KIAA1671: variants seen among roughly 807,000 people sequenced by gnomAD.
KIAA1671 encodes the protein uncharacterized protein KIAA1671.
Under a neutral mutation model 131.2 loss-of-function variants are expected in KIAA1671, and 52 were observed. The observed-to-expected ratio is 0.40, with a 90% CI of 0.32 to 0.50. The LOEUF (loss-of-function observed/expected upper bound fraction) is 0.50, where lower values mean the gene tolerates loss of function less well. Ranked by LOEUF, KIAA1671 falls within the 20% of genes least tolerant of loss-of-function variation. The pLI, the probability that KIAA1671 is intolerant of heterozygous loss-of-function variation, is 0.73. For synonymous variants in KIAA1671, 1,003 were observed against 961.6 expected (o/e 1.04, Z -0.80); for missense variants, 2,360 against 2,364.2 (o/e 1.00, Z 0.04).
Position 25,028,853 on chromosome 22 carries a change from T to C in KIAA1671, c.854T>C (p.Met285Thr), listed in dbSNP as rs1926111205. The part of the protein sequence containing the change: ...TWVRKPRPLS[M>T]DLTARFENKE... ...GTGAGGAAGCCCAGGCCCTTGTCCA[T>C]GGACCTCACGGCCCGGTTTGAGAAC... is the stretch of plus-strand genomic sequence containing the variant. The change falls in exon 3 of 13, where the codon ATG becomes ACG. Residue 285 changes from methionine to threonine, a missense_variant. By Grantham distance (81) the Met-to-Thr change is moderately conservative. Coordinates refer to ENST00000358431, the MANE Select transcript of KIAA1671 (RefSeq NM_001145206.2). 9 of 1,550,860 alleles carry C rather than the reference T, an allele frequency of 5.8e-6. No individual in the cohort carries two copies. Among genetic ancestry groups the C allele is most frequent in the African/African-American group, 1.4e-5 (1 of 73,130 alleles).
At chr22:25,125,934 C>T (rs1433920520) in intron 6 of KIAA1671, among the ~76,000 whole-genome samples, 2 of 152,320 alleles carry the variant, frequency 1.3e-5, no homozygotes, top group South Asian at 4.1e-4. Flanking sequence ...TAATTTTGGG[C>T]AAGTCTGTCT....
chr22:25,184,953 G>A, intron 10 of KIAA1671, 24 bp from the exon 11 acceptor site: 2 of 1,550,718 alleles, frequency 1.3e-6, no homozygotes, highest in Non-Finnish European at 1.7e-6. Context: ...GCAGCTTATA[G>A]ACTCAGCTCT....
intron 6 of KIAA1671, among the ~76,000 whole-genome samples, chr22:25,169,402 G>C (rs1933762284): frequency 1.5e-5 from 2 of 131,424 alleles, no homozygotes; most frequent in African/African-American, 6.1e-5. Context: ...CTAGGTGACA[G>C]AGTAAGACCT....
chr22:25,172,940 C>T (rs1933899124), intron 7 of KIAA1671, among the ~76,000 whole-genome samples: 1 of 152,090 alleles, frequency 6.6e-6, no homozygotes, highest in Admixed American at 6.5e-5. Context: ...GTTCATGAGG[C>T]CAATTATATT....
chr22:25,075,774 G>A (rs1014519813), intron 6 of KIAA1671, among the ~76,000 whole-genome samples: 3 of 126,474 alleles, frequency 2.4e-5, no homozygotes, highest in South Asian at 2.6e-4. Context: ...TCATCAGTGC[G>A]CATCTTTTTT....
intron 6 of KIAA1671, among the ~76,000 whole-genome samples, chr22:25,165,506 G>T (rs1173336783): frequency 6.6e-6 from 1 of 152,232 alleles, no homozygotes; most frequent in African/African-American, 2.4e-5. Flanking sequence ...TGATAGAAAT[G>T]TATTCTCCAT....
At chr22:25,183,093 C>G (rs141686027) in intron 10 of KIAA1671, among the ~76,000 whole-genome samples, 12 of 152,194 alleles carry the variant, frequency 7.9e-5, no homozygotes, top group Non-Finnish European at 1.6e-4. Context: ...ACATCATGTG[C>G]TTGCAAACTC....
At chr22:25,053,494 G>A (rs1056617542) in intron 6 of KIAA1671, 1 of 152,264 alleles carries the variant, frequency 6.6e-6, no homozygotes. Context: ...GGGCCAGCGG[G>A]AGGGCCTCTG....
intron 1 of KIAA1671, among the ~76,000 whole-genome samples, chr22:24,961,615 C>T (rs887861080): frequency 6.6e-6 from 1 of 152,180 alleles, no homozygotes; most frequent in African/African-American, 2.4e-5. Context: ...CCAGCCAGGG[C>T]GTGTTCTTCT....
At chr22:25,134,971 A>G (rs938056540) in intron 6 of KIAA1671, among the ~76,000 whole-genome samples, 1 of 152,218 alleles carries the variant, frequency 6.6e-6, no homozygotes, top group African/African-American at 2.4e-5. Flanking sequence ...TATCCTAATC[A>G]TCATACGTAC....
At chr22:25,098,265 G>T (rs926561284) in intron 6 of KIAA1671, among the ~76,000 whole-genome samples, 1 of 152,106 alleles carries the variant, frequency 6.6e-6, no homozygotes, top group Non-Finnish European at 1.5e-5. Context: ...GGAAGAGAAG[G>T]CAAATAGTAG....
Position 25,037,121 on chromosome 22 carries a change from A to G in KIAA1671, c.1630-1639A>G, listed in dbSNP as rs1293089868. Among the ~76,000 whole-genome samples, 7 of 152,198 alleles carry G rather than the reference A, an allele frequency of 4.6e-5. 1 individual carries two copies. In the South Asian group the frequency reaches 1.0e-3, roughly 23 times the overall value. Reference sequence around the variant, plus strand: ...GTGGATCACTTGAAGTCAGCAGTTCAAGACCAGCCTGGCCAACGTGGTGAA... The same window carrying G: ...GTGGATCACTTGAAGTCAGCAGTTCGAGACCAGCCTGGCCAACGTGGTGAA... On this transcript the variant is annotated intron_variant, in intron 4 of 12. Coordinates refer to ENST00000358431, the MANE Select transcript of KIAA1671 (RefSeq NM_001145206.2).
intron 5 of KIAA1671, among the ~76,000 whole-genome samples, chr22:25,044,127 G>T (rs1927096266): frequency 6.6e-6 from 1 of 152,180 alleles, no homozygotes; most frequent in Non-Finnish European, 1.5e-5. Flanking sequence ...CCATGTGCAG[G>T]ATCACGCAGA....
chr22:25,142,351 C>T (rs143263133), intron 6 of KIAA1671, among the ~76,000 whole-genome samples: 188 of 152,286 alleles, frequency 1.2e-3, no homozygotes, highest in African/African-American at 4.4e-3. Flanking sequence ...TTGCCGAATC[C>T]GATCCCTTCT....
At chr22:25,179,509 G>C (rs1054990686) in intron 9 of KIAA1671, 2 of 1,609,652 alleles carry the variant, frequency 1.2e-6, no homozygotes, top group African/African-American at 1.3e-5. Context: ...CCTCCCGCTC[G>C]TGCTCGCGCG....
chr22:24,965,962 T>A (rs769564036), intron 1 of KIAA1671, among the ~76,000 whole-genome samples: 2 of 152,182 alleles, frequency 1.3e-5, no homozygotes, highest in African/African-American at 2.4e-5. Context: ...GTTTATAGGA[T>A]CCTCATAACA....
intron 1 of KIAA1671, among the ~76,000 whole-genome samples, chr22:25,009,492 T>C (rs1398039076): frequency 2.0e-5 from 3 of 151,888 alleles, no homozygotes; most frequent in Non-Finnish European, 4.4e-5. Context: ...CTCGAACTCC[T>C]GACCTCAGGT....
intron 6 of KIAA1671, among the ~76,000 whole-genome samples, chr22:25,083,991 G>C (rs1361957921): frequency 2.0e-5 from 3 of 152,256 alleles, no homozygotes; most frequent in Admixed American, 2.0e-4. Flanking sequence ...ATTCCTCCTG[G>C]AGGGATGACC....
At chr22:24,984,452 G>A (rs560518896) in intron 1 of KIAA1671, among the ~76,000 whole-genome samples, 3 of 152,296 alleles carry the variant, frequency 2.0e-5, no homozygotes, top group East Asian at 3.9e-4. Flanking sequence ...TCCAGGGCAC[G>A]GGAAATAGCC....
Sources: allele counts gnomAD v4.1 joint callset (sites outside exome capture counted in the v4.1 genomes callset), GRCh38; gene constraint gnomAD v4.1.1; transcripts MANE v1.5; gene names NCBI Gene and HGNC (gene_info 2026-07-23, HGNC 2026-07-21).